Variants in THSD7A observed in about 807,000 individuals in gnomAD.
The protein encoded by THSD7A is thrombospondin type-1 domain-containing protein 7A.
Under a neutral mutation model 231.3 loss-of-function variants are expected in THSD7A, and 96 were observed. That is an observed-to-expected ratio of 0.41 (90% CI 0.35 to 0.49). The LOEUF is 0.49. THSD7A is among the 20% of genes least tolerant of loss of function. The probability of loss-of-function intolerance (pLI) is 0.05; values close to 1 mark genes in which losing one functional copy is unlikely to be tolerated. For missense variants in THSD7A, 2,290 were observed against 2,070.2 expected (o/e 1.11, Z -2.06); for synonymous variants, 940 against 743.3 (o/e 1.26, Z -4.30).
At chr7:11,537,289 C>G (rs1032270628) in intron 6 of THSD7A, among the ~76,000 whole-genome samples, 2 of 152,124 alleles carry the variant, frequency 1.3e-5, no homozygotes, top group Non-Finnish European at 2.9e-5. Flanking sequence ...GCCCTGGATA[C>G]TAAAGTCAAT....
chr7:11,449,597 A>C (rs186745249), intron 11 of THSD7A, among the ~76,000 whole-genome samples: 2 of 152,212 alleles, frequency 1.3e-5, no homozygotes, highest in Admixed American at 1.3e-4. Context: ...GAAGGGCATG[A>C]TAGAAATTTG....
At chr7:11,561,881 G>A (rs1790093572) in intron 4 of THSD7A, among the ~76,000 whole-genome samples, 3 of 151,910 alleles carry the variant, frequency 2.0e-5, no homozygotes. Context: ...AGAAACTGAT[G>A]CTCAAAAAGA....
chr7:11,792,147 T>C (rs909925565), intron 1 of THSD7A, among the ~76,000 whole-genome samples: 1 of 151,986 alleles, frequency 6.6e-6, no homozygotes, highest in African/African-American at 2.4e-5. Context: ...ATTATATTTA[T>C]TCTCTAAATA....
At chr7:11,655,785 C>T (rs73044157) in intron 1 of THSD7A, among the ~76,000 whole-genome samples, 17,618 of 151,894 alleles carry the variant, frequency 0.12, 1,114 homozygotes, top group Admixed American at 0.16. Flanking sequence ...TAAGTCATCT[C>T]ACACACATTC....
At chr7:11,544,338 C>CA (rs201592277) in intron 4 of THSD7A, among the ~76,000 whole-genome samples, 17 of 149,796 alleles carry the variant, frequency 1.1e-4, no homozygotes, top group Non-Finnish European at 1.9e-4. Context: ...GAGACACAGT[C>CA]GGAAAAAAAA....
intron 1 of THSD7A, among the ~76,000 whole-genome samples, chr7:11,729,623 T>A (rs555343267): frequency 6.6e-6 from 1 of 151,948 alleles, no homozygotes; most frequent in African/African-American, 2.4e-5. Flanking sequence ...GGTTTTCTCA[T>A]GTAAATAACT....
chr7:11,611,884 A>G (rs1015679047), intron 2 of THSD7A, among the ~76,000 whole-genome samples: 16 of 143,222 alleles, frequency 1.1e-4, no homozygotes, highest in African/African-American at 2.1e-4. Context: ...CTATCTATCT[A>G]TCTGTCTATC....
intron 1 of THSD7A, among the ~76,000 whole-genome samples, chr7:11,759,807 C>G (rs1405837062): frequency 1.3e-5 from 2 of 152,002 alleles, no homozygotes; most frequent in African/African-American, 4.8e-5. Context: ...GAACTAAAGA[C>G]ATTTCAAATA....
chr7:11,598,861 T>G (rs1780456420), intron 2 of THSD7A, among the ~76,000 whole-genome samples: 2 of 152,246 alleles, frequency 1.3e-5, no homozygotes, highest in South Asian at 4.2e-4. Flanking sequence ...ACAGGAATGC[T>G]GCCACCAGGA....
In THSD7A at chr7:11,375,831, G is replaced by A. The variant is rs746024076; in HGVS notation, c.4937C>T (p.Pro1646Leu). 6.2e-7 allele frequency: 1 copy of A among 1,612,742 alleles called. No homozygotes were observed. Among genetic ancestry groups the A allele is most frequent in the African/African-American group, 1.3e-5 (1 of 74,848 alleles). Residue 1646 changes from proline to leucine, a missense_variant, in exon 28 of 28, where the codon CCT becomes CTT. Physicochemically the swap from Pro to Leu is moderately conservative, Grantham distance 98 (BLOSUM62 -3). Coordinates refer to ENST00000423059, the MANE Select transcript of THSD7A (RefSeq NM_015204.3). ...ATCTCCATCATAGGCTAAGGTTAAAGGTTTCAGTCGGTTGTTTTGCCTTCT... is the reference window on the plus strand; with the variant it reads ...ATCTCCATCATAGGCTAAGGTTAAAAGTTTCAGTCGGTTGTTTTGCCTTCT... ...PQRRQNNRLK[P>L]LTLAYDGDAD...
At chr7:11,473,249 A>AT (rs148707903) in intron 8 of THSD7A, among the ~76,000 whole-genome samples, 3,632 of 152,212 alleles carry the variant, frequency 0.024, 137 homozygotes, top group African/African-American at 0.083. Flanking sequence ...TTTTTCATGC[A>AT]TCAGAGACAT....
intron 10 of THSD7A, 139 bp downstream of exon 10, chr7:11,461,872 C>T: frequency 9.3e-7 from 1 of 1,079,566 alleles, no homozygotes; most frequent in South Asian, 1.8e-5. Context: ...ACAAGAATGG[C>T]AGCTACAGCC....
chr7:11,484,246 C>T (rs1178281665), intron 6 of THSD7A, among the ~76,000 whole-genome samples: 1 of 152,080 alleles, frequency 6.6e-6, no homozygotes, highest in Non-Finnish European at 1.5e-5. Flanking sequence ...TCCCTTTTTA[C>T]TGTTCTGATC....
At chr7:11,515,153 T>TA (rs888766197) in intron 6 of THSD7A, among the ~76,000 whole-genome samples, 5 of 152,184 alleles carry the variant, frequency 3.3e-5, no homozygotes, top group African/African-American at 4.8e-5. Context: ...TGCTTTCATC[T>TA]AAAAATGGAA....
At chr7:11,383,367 C>T (rs114230871) in intron 23 of THSD7A, among the ~76,000 whole-genome samples, 5,565 of 151,968 alleles carry the variant, frequency 0.037, 311 homozygotes, top group African/African-American at 0.12. Context: ...AGCTATTTTT[C>T]TATTAGATTA....
rs946156507 is a variant in THSD7A at position 11,634,924 on chromosome 7, T to C, written c.1022+1206A>G. 6.6e-6 allele frequency among the ~76,000 whole-genome samples: 1 copy of C among 151,108 alleles called. No homozygotes were observed. The highest frequency in any genetic ancestry group is 1.5e-5 in the Non-Finnish European group (1 of 67,846). On this transcript the variant is annotated intron_variant, in intron 2 of 27. Transcript: ENST00000423059. The surrounding 1 kb of genome is among the most constrained non-coding windows in gnomAD (Gnocchi z 4.1). ...ATTTCAAAATCTATGCATAGCAAAATCAGTAGACAAGAATAGATTGAAAAA... is the reference window on the plus strand; with the variant it reads ...ATTTCAAAATCTATGCATAGCAAAACCAGTAGACAAGAATAGATTGAAAAA...
chr7:11,786,125 T>G (rs568189079), intron 1 of THSD7A, among the ~76,000 whole-genome samples: 1 of 148,582 alleles, frequency 6.7e-6, no homozygotes, highest in South Asian at 2.1e-4. Flanking sequence ...AACAGATCCT[T>G]CATCCCAGTC....
At chr7:11,481,024 C>T (rs1233105570) in intron 7 of THSD7A, among the ~76,000 whole-genome samples, 1 of 152,026 alleles carries the variant, frequency 6.6e-6, no homozygotes, top group East Asian at 1.9e-4. Flanking sequence ...TACTTTTATG[C>T]TTTTCTCACT....
At chr7:11,657,202 T>C (rs1296470751) in intron 1 of THSD7A, among the ~76,000 whole-genome samples, 1 of 151,798 alleles carries the variant, frequency 6.6e-6, no homozygotes, top group African/African-American at 2.4e-5. Flanking sequence ...GGAAAATAAG[T>C]ACACTGAGAA....
Sources: gnomAD v4.1 joint callset for allele counts (sites outside exome capture counted in the v4.1 genomes callset) on GRCh38, gnomAD v4.1.1 for gene constraint, Gnocchi (gnomAD v3.1) non-coding constraint, MANE v1.5 for transcripts, NCBI Gene and HGNC (gene_info 2026-07-23, HGNC 2026-07-21) for gene names.